Variants in COL24A1 observed in about 807,000 individuals in gnomAD.
COL24A1 encodes collagen type XXIV alpha 1 chain, also known as collagen alpha-1(XXIV) chain.
COL24A1 carries 224 observed loss-of-function variants against 253.9 expected under a neutral mutation model. The observed-to-expected ratio is 0.88, with a 90% CI of 0.79 to 0.99. The LOEUF (loss-of-function observed/expected upper bound fraction) is 0.99, where lower values mean the gene tolerates loss of function less well. COL24A1 is among the 50% of genes least tolerant of loss of function. The probability of loss-of-function intolerance (pLI) is 0.00; values close to 1 mark genes in which losing one functional copy is unlikely to be tolerated. For synonymous variants in COL24A1, 685 were observed against 673.7 expected (o/e 1.02, Z -0.26); for missense variants, 2,131 against 2,068.5 (o/e 1.03, Z -0.59).
chr1:86,156,425 G>A lies in COL24A1; in HGVS notation c.-29C>T, dbSNP rs772429771. 1.9e-6 allele frequency: 3 copies of A among 1,604,106 alleles called. No homozygotes were observed. On this transcript the variant is annotated 5_prime_UTR_variant, in exon 1 of 60. Coordinates refer to ENST00000370571, the MANE Select transcript of COL24A1 (RefSeq NM_152890.7). ...TATGCATTTGTCCGTGCAGCAAAGC[G>A]CTAACGGAAAACAGAAGCCAACTCT...
intron 24 of COL24A1, among the ~76,000 whole-genome samples, chr1:85,957,830 TA>T (rs1690625584): frequency 2.0e-5 from 3 of 152,224 alleles, no homozygotes; most frequent in Non-Finnish European, 2.9e-5. Context: ...AGCATACCTT[TA>T]GCGATTGTTC....
intron 13 of COL24A1, among the ~76,000 whole-genome samples, chr1:86,033,001 G>A (rs1250747788): frequency 1.3e-5 from 2 of 151,948 alleles, no homozygotes; most frequent in African/African-American, 4.8e-5. Context: ...CAAGAAAAAT[G>A]GTAAACATTC....
At position 86,115,373 on chromosome 1, in the gene COL24A1, T is replaced by C; in HGVS notation, c.1497A>G (p.Pro499=). 6.2e-7 allele frequency: 1 copy of C among 1,613,900 alleles called. No homozygotes were observed. ...GPKGDTGPPG[P]PGPAGIPGPS... ...GACCTGGGATACCTGCTGGACCAGG[T>C]GGACCCTTGGAAAACAAATGTCAAG... Residue 499 remains proline (P), a synonymous_variant, in exon 4 of 60, where the codon CCA becomes CCG. Coordinates refer to ENST00000370571, the MANE Select transcript of COL24A1 (RefSeq NM_152890.7).
chr1:85,869,513 A>AGTAG (rs1242445351), intron 35 of COL24A1, among the ~76,000 whole-genome samples: 1 of 152,246 alleles, frequency 6.6e-6, no homozygotes, highest in African/African-American at 2.4e-5. Context: ...CAGAAACTCT[A>AGTAG]GAAGCCAGAA....
At chr1:85,855,789 T>C (rs748093713) in intron 37 of COL24A1, among the ~76,000 whole-genome samples, 3 of 152,216 alleles carry the variant, frequency 2.0e-5, no homozygotes, top group African/African-American at 4.8e-5. Flanking sequence ...CTCTTCTTTA[T>C]AGCTCTGGTA....
chr1:86,004,691 T>A (rs1467212972), intron 19 of COL24A1, among the ~76,000 whole-genome samples: 1 of 152,088 alleles, frequency 6.6e-6, no homozygotes, highest in Non-Finnish European at 1.5e-5. Flanking sequence ...ATTCTGTGCT[T>A]CCTTCACCAC....
chr1:85,823,752 A>G lies in COL24A1; in HGVS notation c.3682-14T>C, dbSNP rs1479748769. ...ACCCACATGGCCCTAGAAATAGAAA[A>G]GATTACATTATTAGAGTAAGTAGAG... On this transcript the variant is annotated splice_polypyrimidine_tract_variant and intron_variant, in intron 43 of 59. Transcript: ENST00000370571. The G allele has an allele frequency of 3.1e-6, 5 of 1,611,574 alleles. No homozygotes were observed. The highest frequency in any genetic ancestry group is 4.2e-6 in the Non-Finnish European group (5 of 1,178,124).
intron 32 of COL24A1, 43 bp downstream of exon 32, chr1:85,889,517 T>G: frequency 6.5e-7 from 1 of 1,529,742 alleles, no homozygotes; most frequent in Non-Finnish European, 9.1e-7. Context: ...TAAATGTATT[T>G]TATGAGAAAG....
intron 1 of COL24A1, among the ~76,000 whole-genome samples, chr1:86,152,776 C>T (rs1652948133): frequency 6.6e-6 from 1 of 152,196 alleles, no homozygotes; most frequent in Admixed American, 6.5e-5. Context: ...AGTAAAGTTC[C>T]TGGCACATAC....
intron 24 of COL24A1, among the ~76,000 whole-genome samples, chr1:85,942,773 T>C (rs1285115443): frequency 1.3e-5 from 2 of 152,208 alleles, no homozygotes; most frequent in Non-Finnish European, 2.9e-5. Context: ...GATAATTGCA[T>C]CACGTTAGTT....
At chr1:85,747,668 A>C (rs908221800) in intron 55 of COL24A1, among the ~76,000 whole-genome samples, 2 of 152,172 alleles carry the variant, frequency 1.3e-5, no homozygotes, top group African/African-American at 4.8e-5. Flanking sequence ...AGTTGTGAAG[A>C]AAACCCAGCC....
intron 1 of COL24A1, among the ~76,000 whole-genome samples, chr1:86,151,717 G>C (rs1003244718): frequency 6.6e-5 from 10 of 152,184 alleles, no homozygotes; most frequent in African/African-American, 1.9e-4. Context: ...GATCCAAGTT[G>C]CTTTAGGGGA....
chr1:85,761,599 A>G (rs757871064), intron 53 of COL24A1, 33 bp from the exon 54 acceptor site: 8 of 1,611,842 alleles, frequency 5.0e-6, no homozygotes, highest in Non-Finnish European at 5.9e-6. Flanking sequence ...CAAGACCTAT[A>G]TATTATACTT....
intron 59 of COL24A1, among the ~76,000 whole-genome samples, chr1:85,732,972 T>C (rs1365472865): frequency 6.6e-6 from 1 of 152,174 alleles, no homozygotes; most frequent in African/African-American, 2.4e-5. Flanking sequence ...GGGGTCTGGT[T>C]GTTGTAAGCA....
At chr1:86,097,431 T>TCC (rs1703987812) in intron 5 of COL24A1, among the ~76,000 whole-genome samples, 1 of 148,418 alleles carries the variant, frequency 6.7e-6, no homozygotes. Flanking sequence ...CTCCTCCTCC[T>TCC]TCTTCTTCTC....
chr1:85,888,550 G>C (rs982709932), intron 32 of COL24A1, among the ~76,000 whole-genome samples: 1 of 152,108 alleles, frequency 6.6e-6, no homozygotes, highest in East Asian at 1.9e-4. Context: ...AGTAAATAAT[G>C]CTAAAGAGAG....
rs139930048 is a variant in COL24A1 at position 85,782,545 on chromosome 1, A to G, written c.4284+951T>C. Reference sequence around the variant, plus strand: ...AAGATGATGAGTTTATGTCCTTTGTAGGGACATGGATGAAGCTGGAAACCA... The same window carrying G: ...AAGATGATGAGTTTATGTCCTTTGTGGGGACATGGATGAAGCTGGAAACCA... On this transcript the variant is annotated intron_variant, in intron 51 of 59. Coordinates refer to ENST00000370571, the MANE Select transcript of COL24A1 (RefSeq NM_152890.7). Among the ~76,000 whole-genome samples the G allele has an allele frequency of 9.4e-3, 1,428 of 152,320 alleles. 58 individuals are homozygous for G. Among genetic ancestry groups the G allele is most frequent in the Admixed American group, 0.064 (972 of 15,290 alleles).
At chr1:85,892,678 AAT>A (rs1183991558) in intron 31 of COL24A1, among the ~76,000 whole-genome samples, 1 of 152,086 alleles carries the variant, frequency 6.6e-6, no homozygotes, top group Non-Finnish European at 1.5e-5. Context: ...CGTAGTTTAA[AAT>A]ATATGTAGAT....
chr1:85,914,643 G>C (rs564333286), intron 24 of COL24A1, among the ~76,000 whole-genome samples: 1 of 152,096 alleles, frequency 6.6e-6, no homozygotes, highest in East Asian at 1.9e-4. Flanking sequence ...TGCCCACCTT[G>C]GCCTCCCAAA....
Sources: allele counts gnomAD v4.1 joint callset (sites outside exome capture counted in the v4.1 genomes callset), GRCh38; gene constraint gnomAD v4.1.1; transcripts MANE v1.5; gene names NCBI Gene and HGNC (gene_info 2026-07-23, HGNC 2026-07-21).